Variants in SAMSN1 observed in about 807,000 individuals in gnomAD.
SAMSN1 encodes the protein SAM domain-containing protein SAMSN-1.
A neutral mutation model predicts 42.0 loss-of-function variants in SAMSN1; 31 were observed. That is an observed-to-expected ratio of 0.74 (90% CI 0.55 to 1.00). The LOEUF is 1.00. Among genes scored for constraint, SAMSN1 ranks in the 50% least tolerant of loss-of-function variants. The pLI is 0.00. For synonymous variants in SAMSN1, 178 were observed against 151.9 expected (o/e 1.17, Z -1.26); for missense variants, 464 against 439.4 (o/e 1.06, Z -0.50).
At chr21:14,528,362 C>T (rs1028079935) in intron 1 of SAMSN1, among the ~76,000 whole-genome samples, 14 of 152,130 alleles carry the variant, frequency 9.2e-5, no homozygotes, top group African/African-American at 3.1e-4. Flanking sequence ...TTTCATTATG[C>T]CAACACTTCC....
chr21:14,518,097 A>C (rs1030655207), intron 2 of SAMSN1, among the ~76,000 whole-genome samples: 3 of 152,198 alleles, frequency 2.0e-5, no homozygotes, highest in Middle Eastern at 3.2e-3. Flanking sequence ...CCAAGTTTGT[A>C]TTTGCTTTTG....
chr21:14,533,786 A>T (rs1051680389), intron 1 of SAMSN1, among the ~76,000 whole-genome samples: 1 of 152,254 alleles, frequency 6.6e-6, no homozygotes, highest in Admixed American at 6.5e-5. Context: ...TACACAGGAC[A>T]CCAGATCATT....
In SAMSN1 at chr21:14,498,707, AC is replaced by A. The variant is rs1172131451; in HGVS notation, c.769-116del. 101 of 699,162 alleles carry A rather than the reference AC, an allele frequency of 1.4e-4. No homozygotes were observed. The Middle Eastern group carries it at 2.5e-3, about 17-fold the overall frequency. 43.3% of individuals were successfully genotyped at this position (699,162 alleles called of 1,614,324 possible). A position where few individuals can be genotyped will look rare whatever the true frequency, so the allele number is the denominator to read the frequency against. On this transcript the variant is annotated intron_variant, in intron 6 of 7. Transcript: ENST00000400566. ...CATGGGGACCAAAGGTGCCAATAGA[AC>A]TTTTACTTAACTTCACTTGTATTCG...
chr21:14,649,497 C>T (rs1380812393), intron 1 of SAMSN1, among the ~76,000 whole-genome samples: 13 of 151,950 alleles, frequency 8.6e-5, no homozygotes, highest in Admixed American at 1.3e-4. Context: ...TGGCTGGGTG[C>T]AGTGGGTCAC....
upstream of SAMSN1, chr21:14,583,508 G>C: frequency 1.7e-6 from 1 of 589,486 alleles, no homozygotes. Context: ...GGGGATGTCT[G>C]TTTTAAAATA....
At chr21:14,588,676 T>C (rs1981995898) in intron 7 of SAMSN1, among the ~76,000 whole-genome samples, 1 of 152,236 alleles carries the variant, frequency 6.6e-6, no homozygotes. Context: ...TCCACCCAAG[T>C]GCACATTCCA....
intron 2 of SAMSN1, among the ~76,000 whole-genome samples, chr21:14,553,803 T>C (rs1279847552): frequency 1.3e-5 from 2 of 152,124 alleles, no homozygotes; most frequent in Non-Finnish European, 2.9e-5. Flanking sequence ...TATGGCCTGT[T>C]TTTTCTTTCT....
intron 2 of SAMSN1, among the ~76,000 whole-genome samples, chr21:14,624,918 G>C (rs1023314063): frequency 6.6e-6 from 1 of 152,120 alleles, no homozygotes; most frequent in South Asian, 2.1e-4. Context: ...CCATCAAAAA[G>C]CTTATCCACC....
chr21:14,511,147 C>G lies in SAMSN1; in HGVS notation c.410-686G>C, dbSNP rs1293492586. Among the ~76,000 whole-genome samples the G allele has an allele frequency of 2.6e-5, 4 of 152,316 alleles. No individual in the cohort carries two copies. The East Asian group carries it at 7.7e-4, about 29-fold the overall frequency. On this transcript the variant is annotated intron_variant, in intron 4 of 7. Coordinates refer to ENST00000400566, the MANE Select transcript of SAMSN1 (RefSeq NM_022136.5). ...CTTCCTTCAGTCAAGCCTTTCATCACTCTGTTCAGTGAGGGAATAGCCCAC... is the reference window on the plus strand; with the variant it reads ...CTTCCTTCAGTCAAGCCTTTCATCAGTCTGTTCAGTGAGGGAATAGCCCAC...
intron 2 of SAMSN1, among the ~76,000 whole-genome samples, chr21:14,553,429 A>G (rs948465522): frequency 6.6e-6 from 1 of 152,160 alleles, no homozygotes; most frequent in African/African-American, 2.4e-5. Context: ...CATACTTGTC[A>G]TTGCAAATGC....
At chr21:14,501,007 C>T (rs544936015) in intron 5 of SAMSN1, among the ~76,000 whole-genome samples, 5 of 152,186 alleles carry the variant, frequency 3.3e-5, no homozygotes, top group African/African-American at 1.2e-4. Flanking sequence ...GATCCCATCT[C>T]TACAATTTTT....
chr21:14,499,606 T>C (rs993999035), intron 6 of SAMSN1, among the ~76,000 whole-genome samples: 1 of 152,056 alleles, frequency 6.6e-6, no homozygotes, highest in African/African-American at 2.4e-5. Flanking sequence ...TTCTGACATA[T>C]AACCATTTAA....
At chr21:14,554,544 T>G (rs2123184559) in intron 2 of SAMSN1, among the ~76,000 whole-genome samples, 1 of 152,226 alleles carries the variant, frequency 6.6e-6, no homozygotes, top group Middle Eastern at 3.4e-3. Flanking sequence ...GATTTCAGTC[T>G]TTCATATTTA....
chr21:14,555,221 C>T lies in SAMSN1; in HGVS notation c.261+26915G>A, dbSNP rs546182105. ...TTGTCTACAACTTCTGAGATTGCAA[C>T]GTGCTCCAACTCTCCATTCACCTTT... On this transcript the variant is annotated intron_variant, in intron 2 of 8. Coordinates refer to the SAMSN1 transcript ENST00000285670. Among the ~76,000 whole-genome samples, 71 of 152,286 alleles carry T rather than the reference C, an allele frequency of 4.7e-4. 1 individual carries two copies. The highest frequency in any genetic ancestry group is 1.4e-3 in the African/African-American group (57 of 41,562).
chr21:14,649,660 C>T (rs1008866937), intron 1 of SAMSN1, among the ~76,000 whole-genome samples: 2 of 151,860 alleles, frequency 1.3e-5, no homozygotes, highest in African/African-American at 2.4e-5. Context: ...ATCCCAGCTA[C>T]TCAGGAGGCT....
intron 2 of SAMSN1, among the ~76,000 whole-genome samples, chr21:14,577,284 A>ATTTTTTTTTTT (rs58491748): frequency 3.7e-5 from 2 of 53,856 alleles, no homozygotes; most frequent in African/African-American, 1.7e-4. Context: ...ATATATATAT[A>ATTTTTTTTTTT]TTTTTTTTTT....
chr21:14,602,129 A>G (rs1982452692), intron 5 of SAMSN1: 2 of 571,330 alleles, frequency 3.5e-6, no homozygotes, highest in Non-Finnish European at 6.5e-6. Context: ...TTACATACAG[A>G]ATATCAGACA....
intron 1 of SAMSN1, among the ~76,000 whole-genome samples, chr21:14,657,387 C>A (rs80168311): frequency 6.6e-6 from 1 of 151,628 alleles, no homozygotes; most frequent in African/African-American, 2.4e-5. Flanking sequence ...GTCAGGACTT[C>A]GAGGCAATCC....
intron 2 of SAMSN1, among the ~76,000 whole-genome samples, chr21:14,577,846 C>A (rs1981558149): frequency 6.6e-6 from 1 of 152,138 alleles, no homozygotes; most frequent in African/African-American, 2.4e-5. Context: ...TAAATCTGAT[C>A]TTTTACCTTT....
Sources: gnomAD v4.1 joint callset for allele counts (sites outside exome capture counted in the v4.1 genomes callset) on GRCh38, gnomAD v4.1.1 for gene constraint, MANE v1.5 for transcripts, NCBI Gene and HGNC (gene_info 2026-07-23, HGNC 2026-07-21) for gene names.